ATRX: variants seen among roughly 807,000 people sequenced by gnomAD.
ATRX encodes ATRX chromatin remodeler.
Under a neutral mutation model 172.6 loss-of-function variants are expected in ATRX, and 12 were observed. The observed-to-expected ratio is 0.07, with a 90% CI of 0.04 to 0.11. The LOEUF is 0.11. Among genes scored for constraint, ATRX ranks in the 10% least tolerant of loss-of-function variants. ATRX has a pLI of 1.00. For missense variants in ATRX, 1,368 were observed against 1,767.4 expected, an observed-to-expected ratio of 0.77 and a Z score of 4.05; for synonymous variants, 674 against 594.7, an observed-to-expected ratio of 1.13 and a Z score of -1.94.
chrX:77,753,246 T>G (rs1053890951), intron 1 of ATRX, among the ~76,000 whole-genome samples: 8 of 111,775 alleles, frequency 7.2e-5, no homozygotes, highest in Non-Finnish European at 1.5e-4. Flanking sequence ...TTTTCTAGTT[T>G]ATTTGCGTAG....
intron 6 of ATRX, chrX:77,691,258 G>A (rs2071871830): frequency 8.9e-6 from 1 of 112,294 alleles, no homozygotes; most frequent in South Asian, 3.6e-4. Context: ...ATGGATGAGA[G>A]TAGGACTGAA....
intron 6 of ATRX, among the ~76,000 whole-genome samples, chrX:77,689,965 C>T (rs942239733): frequency 3.6e-5 from 4 of 112,381 alleles, no homozygotes; most frequent in East Asian, 5.5e-4. Flanking sequence ...AAAAACAAAA[C>T]ATCACATATA....
At chrX:77,737,376 TCG>T (rs2074624818) in intron 1 of ATRX, among the ~76,000 whole-genome samples, 1 of 80,962 alleles carries the variant, frequency 1.2e-5, no homozygotes, top group East Asian at 4.4e-4. Context: ...TGAGCCAAGA[TCG>T]CACCATTGCA....
Position 77,682,725 on chromosome X carries a change from G to T in ATRX, c.2531C>A (p.Thr844Lys), listed in dbSNP as rs139131007. The stretch of plus-strand genomic sequence containing the variant: ...ATCTTCAGAAGAGTCAAAATCTTTT[G>T]TATTTGGAATTCTTTTTTTGGTGGT... Reference protein sequence around the residue: ...ARTTKKRIPNTKDFDSSEDEK... With the variant: ...ARTTKKRIPNKKDFDSSEDEK... Residue 844 changes from threonine to lysine, a missense_variant, in exon 9 of 35, where the codon ACA becomes AAA. By Grantham distance (78) the Thr-to-Lys change is moderately conservative. Around this residue, in one of 17 missense-constraint regions of ATRX, gnomAD observed 843 missense variants for 643.1 expected, o/e 1.31. Coordinates refer to ENST00000373344, the MANE Select transcript of ATRX (RefSeq NM_000489.6). 8.3e-5 allele frequency: 100 copies of T among 1,207,321 alleles called. No homozygotes were observed. The African/African-American group carries it at 1.7e-3, about 20-fold the overall frequency.
intron 10 of ATRX, among the ~76,000 whole-genome samples, chrX:77,669,828 A>G (rs1557128655): frequency 9.1e-6 from 1 of 110,185 alleles, no homozygotes; most frequent in Admixed American, 9.8e-5. Context: ...TATCCTGAGT[A>G]GCTGGAACTA....
At chrX:77,649,719 T>C (rs1218663357) in intron 15 of ATRX, among the ~76,000 whole-genome samples, 6 of 111,875 alleles carry the variant, frequency 5.4e-5, no homozygotes, top group African/African-American at 1.9e-4. Context: ...GGAGTTTCCC[T>C]GCACAAGTTC....
At chrX:77,589,538 C>CA (rs1240356512) in intron 27 of ATRX, among the ~76,000 whole-genome samples, 2 of 110,644 alleles carry the variant, frequency 1.8e-5, no homozygotes, top group African/African-American at 6.5e-5. Context: ...CTCTTGTCAC[C>CA]AAAAAAAACT....
At chrX:77,640,156 T>C (rs920131889) in intron 15 of ATRX, among the ~76,000 whole-genome samples, 7 of 111,002 alleles carry the variant, frequency 6.3e-5, no homozygotes, top group Non-Finnish European at 9.4e-5. Context: ...ATGGGAACAA[T>C]AGACACTATG....
intron 10 of ATRX, among the ~76,000 whole-genome samples, chrX:77,667,360 T>C (rs1018998830): frequency 3.8e-5 from 4 of 105,779 alleles, no homozygotes; most frequent in Non-Finnish European, 5.8e-5. Flanking sequence ...ATGTGAAGCA[T>C]TGAATACTGG....
intron 1 of ATRX, among the ~76,000 whole-genome samples, chrX:77,729,705 T>C (rs987140694): frequency 2.7e-5 from 3 of 111,082 alleles, no homozygotes; most frequent in Non-Finnish European, 3.8e-5. Context: ...GAGGCCAAGG[T>C]GGGTGGATCA....
At chrX:77,522,524 A>T in intron 31 of ATRX, 136 bp from the exon 32 acceptor site, 1 of 695,206 alleles carries the variant, frequency 1.4e-6, no homozygotes, top group Non-Finnish European at 2.2e-6. Flanking sequence ...CAAACAAAAC[A>T]CCCTTTTCAC....
intron 28 of ATRX, among the ~76,000 whole-genome samples, chrX:77,568,563 C>A: frequency 8.9e-6 from 1 of 112,020 alleles, no homozygotes; most frequent in Non-Finnish European, 1.9e-5. Flanking sequence ...AAGATTAACA[C>A]AAATCCCCAT....
intron 34 of ATRX, among the ~76,000 whole-genome samples, chrX:77,518,929 G>A (rs1369210224): frequency 2.7e-5 from 3 of 111,973 alleles, no homozygotes; most frequent in Admixed American, 9.5e-5. Context: ...AAATGGTGCT[G>A]TGGAAGCTGG....
chrX:77,618,042 A>C (rs782439551), intron 21 of ATRX, among the ~76,000 whole-genome samples: 19 of 111,670 alleles, frequency 1.7e-4, no homozygotes, highest in African/African-American at 5.9e-4. Flanking sequence ...GCACCACTGT[A>C]CCTAGCCTCT....
chrX:77,538,230 A>ACACAC (rs2063827076), intron 30 of ATRX, among the ~76,000 whole-genome samples: 3 of 95,992 alleles, frequency 3.1e-5, no homozygotes, highest in Non-Finnish European at 4.2e-5. Context: ...TACACACACA[A>ACACAC]ACACACACAC....
chrX:77,778,868 CCA>C (rs1160441655), intron 1 of ATRX, among the ~76,000 whole-genome samples: 1 of 111,288 alleles, frequency 9.0e-6, no homozygotes, highest in African/African-American at 3.3e-5. Context: ...TGGAATTCTC[CCA>C]CAGTCTCCTT....
chrX:77,542,350 G>C (rs1198936841), intron 30 of ATRX, among the ~76,000 whole-genome samples: 2 of 111,459 alleles, frequency 1.8e-5, no homozygotes, highest in Non-Finnish European at 1.9e-5. Context: ...ATTCCATGCT[G>C]AAAGATAGGA....
chrX:77,522,242 C>A, intron 32 of ATRX, 21 bp downstream of exon 32: 1 of 1,210,118 alleles, frequency 8.3e-7, no homozygotes, highest in Non-Finnish European at 1.1e-6. Flanking sequence ...TGTCAAACTA[C>A]TTTTGTACTT....
At chrX:77,510,968 C>T (rs1414570307) in intron 34 of ATRX, among the ~76,000 whole-genome samples, 1 of 112,794 alleles carries the variant, frequency 8.9e-6, no homozygotes. Context: ...CCAGTAGTTA[C>T]TGTGGATCTT....
Sources: gnomAD v4.1 joint callset for allele counts (sites outside exome capture counted in the v4.1 genomes callset) on GRCh38, gnomAD v4.1.1 for gene constraint, gnomAD v4.1.1 regional missense constraint, MANE v1.5 for transcripts, NCBI Gene and HGNC (gene_info 2026-07-23, HGNC 2026-07-21) for gene names.